The following ASPRV1 variants were observed in gnomAD, a reference collection of about 807,000 sequenced individuals.
The protein encoded by ASPRV1 is aspartic peptidase retroviral like 1.
A neutral mutation model predicts 11.0 loss-of-function variants in ASPRV1; 7 were observed. That is an observed-to-expected ratio of 0.64 (90% CI 0.36 to 1.20). The LOEUF is 1.20. Ranked by LOEUF, ASPRV1 falls within the 50% of genes most tolerant of loss-of-function variation. The pLI is 0.02. For missense variants in ASPRV1, 299 were observed against 320.0 expected (o/e 0.93, Z 0.50); for synonymous variants, 136 against 138.4 (o/e 0.98, Z 0.12).
At chr2:69,996,668 A>C in the ASPRV1 span, 2 of 454,984 alleles carry the variant, frequency 4.4e-6, no homozygotes, top group African/African-American at 2.0e-5. Flanking sequence ...GAGGCACTGG[A>C]ATGACTTAAG....
chr2:69,956,451 GGAA>G (rs112463800), downstream of ASPRV1, among the ~76,000 whole-genome samples: 5,085 of 97,952 alleles, frequency 0.052, 296 homozygotes, highest in East Asian at 0.16. Context: ...AAGGAGAAGA[GGAA>G]GAAGAAGAAG....
chr2:70,047,484 C>T, the ASPRV1 span, among the ~76,000 whole-genome samples: 2 of 152,174 alleles, frequency 1.3e-5, no homozygotes, highest in Non-Finnish European at 2.9e-5. Context: ...ACTATATAAG[C>T]TATGTGCAAG....
chr2:69,933,743 G>T, the ASPRV1 span, among the ~76,000 whole-genome samples: 2 of 152,186 alleles, frequency 1.3e-5, no homozygotes, highest in Admixed American at 6.5e-5. Flanking sequence ...TTAATATCAT[G>T]CATATTCACC....
At chr2:69,956,451 GGAAGAAGAA>G (rs112463800), downstream of ASPRV1, among the ~76,000 whole-genome samples, 307 of 98,048 alleles carry the variant, frequency 3.1e-3, 2 homozygotes, top group African/African-American at 0.015. Flanking sequence ...AAGGAGAAGA[GGAAGAAGAA>G]GAAGAAGAAG....
the ASPRV1 span, among the ~76,000 whole-genome samples, chr2:69,968,923 G>A: frequency 2.2e-3 from 333 of 152,338 alleles, 2 homozygotes; most frequent in African/African-American, 7.7e-3. Flanking sequence ...CTCGTGTCAT[G>A]TACACTCTTT....
At chr2:70,085,175 C>G in the ASPRV1 span, among the ~76,000 whole-genome samples, 1 of 152,148 alleles carries the variant, frequency 6.6e-6, no homozygotes, top group Non-Finnish European at 1.5e-5. Context: ...AGGCAAGAGT[C>G]AAGCCCATGG....
the ASPRV1 span, among the ~76,000 whole-genome samples, chr2:70,074,794 C>T: frequency 6.6e-6 from 1 of 151,258 alleles, no homozygotes; most frequent in Non-Finnish European, 1.5e-5. Flanking sequence ...TAAGAAAAGA[C>T]TACAAGCAGT....
chr2:70,055,119 G>A, the ASPRV1 span, among the ~76,000 whole-genome samples: 6 of 152,146 alleles, frequency 3.9e-5, no homozygotes, highest in East Asian at 3.9e-4. Flanking sequence ...TCTGGCCAAC[G>A]TGGTGAAACC....
chr2:70,042,762 T>C, the ASPRV1 span, among the ~76,000 whole-genome samples: 2 of 152,076 alleles, frequency 1.3e-5, no homozygotes, highest in African/African-American at 2.4e-5. Flanking sequence ...TAGTGCTGAT[T>C]CCATTAAGGT....
the ASPRV1 span, among the ~76,000 whole-genome samples, chr2:70,009,800 A>C: frequency 2.6e-5 from 4 of 152,252 alleles, no homozygotes; most frequent in African/African-American, 9.6e-5. Flanking sequence ...GAAGGAAAAC[A>C]GGCACAACAA....
At chr2:70,012,179 G>A in the ASPRV1 span, 1 of 144,392 alleles carries the variant, frequency 6.9e-6, no homozygotes, top group East Asian at 2.0e-4. Context: ...TTTTTGAGAT[G>A]AGTCTCGCTC....
At chr2:69,989,875 G>A in the ASPRV1 span, among the ~76,000 whole-genome samples, 1 of 152,242 alleles carries the variant, frequency 6.6e-6, no homozygotes, top group East Asian at 1.9e-4. Context: ...ACATAGACAG[G>A]GTTCAGTAAC....
chr2:70,026,176 A>G, the ASPRV1 span, among the ~76,000 whole-genome samples: 1 of 152,170 alleles, frequency 6.6e-6, no homozygotes, highest in African/African-American at 2.4e-5. Flanking sequence ...AAAATTAGTC[A>G]GTCATGATGG....
At chr2:70,044,090 C>A in the ASPRV1 span, among the ~76,000 whole-genome samples, 1 of 152,150 alleles carries the variant, frequency 6.6e-6, no homozygotes. Flanking sequence ...CTTCCTCAGT[C>A]TGGTTCTCAG....
the ASPRV1 span, among the ~76,000 whole-genome samples, chr2:70,062,357 C>G: frequency 6.6e-6 from 1 of 152,086 alleles, no homozygotes; most frequent in Non-Finnish European, 1.5e-5. Context: ...GTGTCAGAAT[C>G]ACCTGGCAGG....
At chr2:69,979,467 G>A in the ASPRV1 span, among the ~76,000 whole-genome samples, 1 of 152,210 alleles carries the variant, frequency 6.6e-6, no homozygotes, top group Non-Finnish European at 1.5e-5. Flanking sequence ...AGAGAGGGGA[G>A]GAGGAACTGG....
At chr2:70,022,644 C>T in the ASPRV1 span, among the ~76,000 whole-genome samples, 4 of 151,776 alleles carry the variant, frequency 2.6e-5, no homozygotes, top group Admixed American at 2.0e-4. Flanking sequence ...GAGCTGAGAT[C>T]GCACCACTGC....
chr2:70,044,953 G>A, the ASPRV1 span, among the ~76,000 whole-genome samples: 2 of 152,168 alleles, frequency 1.3e-5, no homozygotes, highest in South Asian at 2.1e-4. Context: ...AATTACCAGT[G>A]GTGTTTTGAC....
the ASPRV1 span, among the ~76,000 whole-genome samples, chr2:70,078,554 T>C: frequency 2.5e-4 from 38 of 152,168 alleles, no homozygotes; most frequent in Non-Finnish European, 2.8e-4. Flanking sequence ...GAGAAGGCCA[T>C]ACTGACATCT....
Sources: gnomAD v4.1 joint callset for allele counts (sites outside exome capture counted in the v4.1 genomes callset) on GRCh38, gnomAD v4.1.1 for gene constraint, MANE v1.5 for transcripts, NCBI Gene and HGNC (gene_info 2026-07-23, HGNC 2026-07-21) for gene names.